WBP4: variants seen among roughly 807,000 people sequenced by gnomAD.
The protein encoded by WBP4 is WW domain binding protein 4.
In WBP4, 37 loss-of-function variants were observed where a neutral mutation model predicts 55.4. The observed-to-expected ratio is 0.67, with a 90% confidence interval of 0.51 to 0.88. WBP4 has a LOEUF of 0.88. Ranked by LOEUF, WBP4 falls within the 40% of genes least tolerant of loss-of-function variation. WBP4 has a pLI of 0.00. For synonymous variants in WBP4, 142 were observed against 140.2 expected (o/e 1.01, Z -0.09); for missense variants, 398 against 420.8 (o/e 0.95, Z 0.47).
intron 8 of WBP4, among the ~76,000 whole-genome samples, chr13:41,077,427 G>A (rs192860409): frequency 6.6e-6 from 1 of 152,060 alleles, no homozygotes; most frequent in African/African-American, 2.4e-5. Context: ...GGGAGGCAGA[G>A]TTTGCAGTGA....
At chr13:41,075,661 A>G (rs952254782) in intron 7 of WBP4, among the ~76,000 whole-genome samples, 5 of 152,178 alleles carry the variant, frequency 3.3e-5, no homozygotes, top group Non-Finnish European at 7.4e-5. Context: ...AATTACAAGC[A>G]TAAGCCAGCA....
At chr13:41,080,611 T>C (rs776789301) in intron 8 of WBP4, 35 bp from the exon 9 acceptor site, 32 of 1,526,434 alleles carry the variant, frequency 2.1e-5, no homozygotes, top group Middle Eastern at 2.2e-4. Flanking sequence ...GTAGTTTTGC[T>C]TGAACTGTAT....
At chr13:41,062,854 T>C in intron 2 of WBP4, 138 bp downstream of exon 2, 1 of 626,074 alleles carries the variant, frequency 1.6e-6, no homozygotes, top group Non-Finnish European at 2.6e-6. Flanking sequence ...ATTTCTGTCT[T>C]CTCAGTCCCC....
At chr13:41,064,382 G>GTA (rs1877850075) in intron 2 of WBP4, among the ~76,000 whole-genome samples, 1 of 152,066 alleles carries the variant, frequency 6.6e-6, no homozygotes. Flanking sequence ...ACATGTGCAG[G>GTA]TATATCTATA....
chr13:41,078,279 G>A (rs1278269227), intron 8 of WBP4, among the ~76,000 whole-genome samples: 3 of 152,086 alleles, frequency 2.0e-5, no homozygotes, highest in Non-Finnish European at 2.9e-5. Flanking sequence ...GCACAGTACT[G>A]GCATAAAGAT....
chr13:41,075,675 T>G (rs766022663), intron 7 of WBP4, among the ~76,000 whole-genome samples: 1 of 152,142 alleles, frequency 6.6e-6, no homozygotes, highest in Non-Finnish European at 1.5e-5. Context: ...GCCAGCACAC[T>G]GGGGCCAGGA....
intron 8 of WBP4, among the ~76,000 whole-genome samples, chr13:41,076,998 A>G (rs1455139602): frequency 6.6e-6 from 1 of 152,240 alleles, no homozygotes; most frequent in Non-Finnish European, 1.5e-5. Context: ...CGTCAAAATG[A>G]ATGTGTTCCA....
intron 4 of WBP4, among the ~76,000 whole-genome samples, chr13:41,065,616 TATTC>T (rs1468022875): frequency 6.6e-6 from 1 of 152,222 alleles, no homozygotes; most frequent in Non-Finnish European, 1.5e-5. Flanking sequence ...TAAGAGACAC[TATTC>T]ATTTAAAAAT....
At position 41,061,575 on chromosome 13, in the gene WBP4, G is replaced by C; in HGVS notation, c.-99G>C. 1 of 1,587,192 alleles carries C rather than the reference G, an allele frequency of 6.3e-7. No homozygotes were observed. The highest frequency in any genetic ancestry group is 8.6e-7 in the Non-Finnish European group (1 of 1,158,878). On this transcript the variant is annotated 5_prime_UTR_variant, in exon 1 of 10. Coordinates refer to ENST00000379487, the MANE Select transcript of WBP4 (RefSeq NM_007187.5). ...AGGTGTCTGGATCGGAGGGAGGTTC[G>C]GGTGGGCATCGGGCGGCTGGAAGAG...
At chr13:41,071,394 A>G in intron 5 of WBP4, 133 bp from the exon 6 acceptor site, 1 of 689,116 alleles carries the variant, frequency 1.5e-6, no homozygotes, top group African/African-American at 1.8e-5. Flanking sequence ...GTTCTGTTTT[A>G]TTTTTCAAAT....
chr13:41,071,632 G>T, intron 6 of WBP4, 59 bp downstream of exon 6: 1 of 1,492,070 alleles, frequency 6.7e-7, no homozygotes, highest in African/African-American at 1.4e-5. Flanking sequence ...TCGTTTCTTA[G>T]GTTTTTGTAG....
chr13:41,063,799 A>G (rs1225313494), intron 2 of WBP4, among the ~76,000 whole-genome samples: 2 of 152,308 alleles, frequency 1.3e-5, no homozygotes, highest in Non-Finnish European at 2.9e-5. Flanking sequence ...AGGAAACGCA[A>G]TGTATGAAAA....
intron 2 of WBP4, among the ~76,000 whole-genome samples, chr13:41,064,384 A>AT (rs1353765079): frequency 2.0e-5 from 3 of 152,284 alleles, no homozygotes; most frequent in Admixed American, 6.5e-5. Context: ...ATGTGCAGGT[A>AT]TATCTATAGA....
rs563330056 is a variant in WBP4, at chr13:41,062,535, G to A, written c.3-109G>A. Reference sequence around the variant, plus strand: ...AAAACGACTATACATAACAAGACAAGATTCAGTAGCAGGGGCATATATTTC... The same window carrying A: ...AAAACGACTATACATAACAAGACAAAATTCAGTAGCAGGGGCATATATTTC... On this transcript the variant is annotated intron_variant, in intron 1 of 9. Transcript: ENST00000379487. 157 of 966,204 alleles carry A rather than the reference G, an allele frequency of 1.6e-4. 1 individual carries two copies. In the African/African-American group the frequency reaches 2.3e-3, roughly 14 times the overall value. 59.9% of individuals were successfully genotyped at this position (966,204 alleles called of 1,614,324 possible). A position where few individuals can be genotyped will look rare whatever the true frequency, so the allele number is the denominator to read the frequency against.
At chr13:41,072,090 T>C (rs1259978469) in intron 6 of WBP4, among the ~76,000 whole-genome samples, 1 of 149,862 alleles carries the variant, frequency 6.7e-6, no homozygotes, top group Non-Finnish European at 1.5e-5. Context: ...ATCCAAAAAC[T>C]GCATTCAGGG....
intron 8 of WBP4, 57 bp downstream of exon 8, chr13:41,076,294 T>TTTTTTA: frequency 8.3e-7 from 1 of 1,199,468 alleles, no homozygotes; most frequent in East Asian, 2.6e-5. Flanking sequence ...TTTTTTTTTT[T>TTTTTTA]TTTGAGATGG....
At position 41,082,735 on chromosome 13, in the gene WBP4, G is replaced by A. The variant is rs1363601718; in HGVS notation, c.952G>A (p.Glu318Lys). The A allele has an allele frequency of 2.5e-6, 4 of 1,613,892 alleles. No homozygotes were observed. In the East Asian group the frequency reaches 6.7e-5, roughly 27 times the overall value. ...EEVDLELPST[E>K]NEYVSTSEAD... ...GGTAGATTTGGAACTTCCAAGCACT[G>A]AAAATGAGTATGTATCAACTTCAGA... Residue 318 changes from glutamate (E) to lysine (K), a missense_variant, in exon 10 of 10, where the codon GAA becomes AAA. Transcript: ENST00000379487.
chr13:41,076,156 G>C lies in WBP4; in HGVS notation c.675G>C (p.Ser225=), dbSNP rs376991235. ...GTLDESKSSD[S]HSDSDGEQEA... The stretch of plus-strand genomic sequence containing the variant: ...TAGATGAATCCAAATCATCAGATTC[G>C]CATAGTGATTCTGATGGGGAACAGG... The change falls in exon 8 of 10, where the codon TCG becomes TCC. Residue 225 remains serine, a synonymous_variant. Transcript: ENST00000379487. The C allele has an allele frequency of 1.2e-4, 190 of 1,612,748 alleles. No individual in the cohort carries two copies. Among genetic ancestry groups the C allele is most frequent in the Middle Eastern group, 6.6e-4 (4 of 6,058 alleles).
intron 9 of WBP4, 42 bp from the exon 10 acceptor site, chr13:41,082,662 C>T (rs1878832650): frequency 1.3e-6 from 2 of 1,596,794 alleles, no homozygotes; most frequent in African/African-American, 1.3e-5. Context: ...AAACGTTTGT[C>T]TTACCCTGTC....
Sources: gnomAD v4.1 joint callset for allele counts (sites outside exome capture counted in the v4.1 genomes callset) on GRCh38, gnomAD v4.1.1 for gene constraint, MANE v1.5 for transcripts, NCBI Gene and HGNC (gene_info 2026-07-23, HGNC 2026-07-21) for gene names.